SLCO5A1: variants seen among roughly 807,000 people sequenced by gnomAD.
SLCO5A1 encodes the protein solute carrier organic anion transporter family member 5A1, also known as organic anion transporter polypeptide-related protein 4.
In SLCO5A1, 39 loss-of-function variants were observed where a neutral mutation model predicts 65.1. The observed-to-expected ratio is 0.60, with a 90% CI of 0.46 to 0.78. SLCO5A1 has a LOEUF of 0.78. Ranked by LOEUF, SLCO5A1 falls within the 30% of genes least tolerant of loss-of-function variation. The pLI is 0.00. For missense variants in SLCO5A1, 1,029 were observed against 1,069.4 expected (o/e 0.96, Z 0.53); for synonymous variants, 438 against 415.7 (o/e 1.05, Z -0.65).
At position 69,680,603 on chromosome 8, in the gene SLCO5A1, A is replaced by G. The variant is rs577401878; in HGVS notation, c.1783-984T>C. ...AGTGCTGCGATGAACATACAAGTGCATGTGTCTTTCTGGTAGAACAATTTG... is the reference window on the plus strand; with the variant it reads ...AGTGCTGCGATGAACATACAAGTGCGTGTGTCTTTCTGGTAGAACAATTTG... On this transcript the variant is annotated intron_variant, in intron 7 of 9. Transcript: ENST00000260126. Among the ~76,000 whole-genome samples, 6 of 152,316 alleles carry G rather than the reference A, an allele frequency of 3.9e-5. No individual in the cohort carries two copies. The East Asian group carries it at 1.2e-3, about 29-fold the overall frequency.
intron 2 of SLCO5A1, among the ~76,000 whole-genome samples, chr8:69,779,777 C>A (rs1818720145): frequency 6.6e-6 from 1 of 151,952 alleles, no homozygotes; most frequent in African/African-American, 2.4e-5. Flanking sequence ...CTCCAAAACA[C>A]AAAAAGGTAT....
chr8:69,791,472 T>C (rs1819264670), intron 2 of SLCO5A1, among the ~76,000 whole-genome samples: 1 of 152,218 alleles, frequency 6.6e-6, no homozygotes, highest in African/African-American at 2.4e-5. Flanking sequence ...CATTAAAAAT[T>C]GTGCTTTGTT....
At position 69,672,907 on chromosome 8, in the gene SLCO5A1, G is replaced by A. The variant is rs1813384017; in HGVS notation, c.2509C>T (p.Leu837=). ...TCCAAGGCAGCGGGGCTCTCTTCCA[G>A]CCCCGGGTCCGCAGAGGAACTTATT... ...EAISSSADPG[L]EESPAALEPP... is the part of the protein sequence containing the mutation. Residue 837 remains leucine (L), a synonymous_variant, in exon 10 of 10, where the codon CTG becomes TTG. Transcript: ENST00000260126. 6.2e-7 allele frequency: 1 copy of A among 1,613,668 alleles called. No individual in the cohort carries two copies. The highest frequency in any genetic ancestry group is 1.7e-5 in the Admixed American group (1 of 60,010).
chr8:69,778,228 GGTGTGTGTGTGTGTGTGTGT>G (rs71556783), intron 2 of SLCO5A1, among the ~76,000 whole-genome samples: 1 of 142,942 alleles, frequency 7.0e-6, no homozygotes, highest in African/African-American at 2.5e-5. Context: ...ATATGTATGG[GGTGTGTGTGTGTGTGTGTGT>G]GTGTGTGTGT....
In SLCO5A1 at chr8:69,671,323, C is replaced by T. The variant is rs1194771362; in HGVS notation, c.*1546G>A. Reference sequence around the variant, plus strand: ...GAATCATGGAACAGTCTGTCAATCACATCTCTTCTGGGGATAAGGGTAAAC... The same window carrying T: ...GAATCATGGAACAGTCTGTCAATCATATCTCTTCTGGGGATAAGGGTAAAC... On this transcript the variant is annotated 3_prime_UTR_variant, in exon 10 of 10. Transcript: ENST00000260126. The T allele has an allele frequency of 1.3e-5, 2 of 152,230 alleles. No homozygotes were observed. Among genetic ancestry groups the T allele is most frequent in the East Asian group, 1.9e-4 (1 of 5,190 alleles). 9.4% of individuals were successfully genotyped at this position (152,230 alleles called of 1,614,324 possible).
At chr8:69,804,550 A>T (rs572048463) in intron 2 of SLCO5A1, among the ~76,000 whole-genome samples, 1 of 152,312 alleles carries the variant, frequency 6.6e-6, no homozygotes, top group Admixed American at 6.5e-5. Flanking sequence ...TCCTGACCTC[A>T]GGTGATCCGC....
chr8:69,730,429 A>G (rs1478707549), intron 5 of SLCO5A1, among the ~76,000 whole-genome samples: 1 of 152,196 alleles, frequency 6.6e-6, no homozygotes, highest in Non-Finnish European at 1.5e-5. Flanking sequence ...GATTTTAGGG[A>G]AGGAAGAATT....
At chr8:69,771,561 T>G (rs1286203905) in intron 2 of SLCO5A1, among the ~76,000 whole-genome samples, 3 of 152,224 alleles carry the variant, frequency 2.0e-5, no homozygotes, top group Admixed American at 2.0e-4. Context: ...TCTTCTTACA[T>G]GATCTTGTTT....
chr8:69,692,947 A>T (rs1239614987), intron 6 of SLCO5A1, among the ~76,000 whole-genome samples: 2 of 152,214 alleles, frequency 1.3e-5, no homozygotes, highest in East Asian at 3.8e-4. Flanking sequence ...ACAGGTGCTT[A>T]TTATCAAGTT....
At chr8:69,753,909 G>C (rs1173694744) in intron 4 of SLCO5A1, among the ~76,000 whole-genome samples, 1 of 150,962 alleles carries the variant, frequency 6.6e-6, no homozygotes, top group Non-Finnish European at 1.5e-5. Flanking sequence ...CCAGCTGTTC[G>C]GGAGGCTGAG....
intron 4 of SLCO5A1, among the ~76,000 whole-genome samples, chr8:69,748,531 A>G (rs1817140063): frequency 6.6e-6 from 1 of 152,268 alleles, no homozygotes; most frequent in Admixed American, 6.5e-5. Context: ...GATACACAGA[A>G]AACATAAATA....
chr8:69,676,924 G>A (rs1168237050), intron 8 of SLCO5A1, among the ~76,000 whole-genome samples: 1 of 152,326 alleles, frequency 6.6e-6, no homozygotes, highest in East Asian at 1.9e-4. Context: ...CTGGTAGAGG[G>A]TTAAAGGCTT....
At chr8:69,703,603 A>T (rs1563671689) in intron 6 of SLCO5A1, among the ~76,000 whole-genome samples, 1 of 152,200 alleles carries the variant, frequency 6.6e-6, no homozygotes, top group Non-Finnish European at 1.5e-5. Context: ...AGTGGAATAC[A>T]ATGGAATGCT....
chr8:69,765,394 A>G (rs1327760637), intron 2 of SLCO5A1, among the ~76,000 whole-genome samples: 1 of 151,900 alleles, frequency 6.6e-6, no homozygotes, highest in Non-Finnish European at 1.5e-5. Flanking sequence ...ATTTATATAT[A>G]TATATATACA....
At position 69,829,444 on chromosome 8, in the gene SLCO5A1, T is replaced by C. The variant is rs897495648; in HGVS notation, c.907+2323A>G. Among the ~76,000 whole-genome samples, 5 of 152,354 alleles carry C rather than the reference T, an allele frequency of 3.3e-5. No individual in the cohort carries two copies. In the Middle Eastern group the frequency reaches 0.01, roughly 311 times the overall value. ...TAAAGTGGCTAACAGCCAAATGCAA[T>C]GCATGAATGAATCTTGATTAGTTCC... is the stretch of plus-strand genomic sequence containing the variant. On this transcript the variant is annotated intron_variant, in intron 2 of 9. Coordinates refer to ENST00000260126, the MANE Select transcript of SLCO5A1 (RefSeq NM_030958.3).
chr8:69,809,490 G>C (rs1464999115), intron 2 of SLCO5A1, among the ~76,000 whole-genome samples: 1 of 152,128 alleles, frequency 6.6e-6, no homozygotes, highest in Non-Finnish European at 1.5e-5. Context: ...GGACAAGTAA[G>C]TCATTAGAAT....
intron 2 of SLCO5A1, among the ~76,000 whole-genome samples, chr8:69,823,246 G>T (rs898254066): frequency 1.2e-4 from 18 of 152,106 alleles, no homozygotes; most frequent in Non-Finnish European, 2.6e-4. Flanking sequence ...ACATCATAAA[G>T]ACAGGATCAA....
chr8:69,722,537 C>T (rs796588513), intron 5 of SLCO5A1, among the ~76,000 whole-genome samples: 10 of 152,238 alleles, frequency 6.6e-5, no homozygotes, highest in African/African-American at 2.4e-4. Context: ...ATGAATGACA[C>T]ACCTTGTCCA....
chr8:69,794,596 GA>G (rs1819410044), intron 2 of SLCO5A1: 3 of 323,362 alleles, frequency 9.3e-6, no homozygotes, highest in Non-Finnish European at 1.9e-5. Flanking sequence ...TACCGGTTTG[GA>G]AATTGTATAC....
Sources: gnomAD v4.1 joint callset for allele counts (sites outside exome capture counted in the v4.1 genomes callset) on GRCh38, gnomAD v4.1.1 for gene constraint, MANE v1.5 for transcripts, NCBI Gene and HGNC (gene_info 2026-07-23, HGNC 2026-07-21) for gene names.